LIMS2: variants seen among roughly 807,000 people sequenced by gnomAD.
LIMS2 encodes the protein LIM and senescent cell antigen-like-containing domain protein 2.
LIMS2 carries 30 observed loss-of-function variants against 45.3 expected under a neutral mutation model. That is an observed-to-expected ratio of 0.66 (90% CI 0.50 to 0.90). The LOEUF is 0.90. Among genes scored for constraint, LIMS2 ranks in the 40% least tolerant of loss-of-function variants. The probability of loss-of-function intolerance (pLI) is 0.00; values close to 1 mark genes in which losing one functional copy is unlikely to be tolerated. For synonymous variants in LIMS2, 173 were observed against 188.0 expected (o/e 0.92, Z 0.65); for missense variants, 485 against 468.7 (o/e 1.03, Z -0.32).
chr2:127,648,146 T>A, intron 4 of LIMS2: 2 of 985,032 alleles, frequency 2.0e-6, no homozygotes, highest in Non-Finnish European at 2.4e-6. Context: ...GGAACCTGGA[T>A]TCCTGGGGAA....
At chr2:127,674,542 T>C in intron 1 of LIMS2, 3 of 829,246 alleles carry the variant, frequency 3.6e-6, no homozygotes, top group Non-Finnish European at 4.4e-6. Flanking sequence ...AGTTCCAACA[T>C]ACCCTTCAAC....
At position 127,642,210 on chromosome 2, in the gene LIMS2, G is replaced by C; in HGVS notation, c.510-11C>G. 6.5e-7 allele frequency: 1 copy of C among 1,534,426 alleles called. No individual in the cohort carries two copies. Among genetic ancestry groups the C allele is most frequent in the Non-Finnish European group, 8.8e-7 (1 of 1,135,012 alleles). ...GCTGTCAGCTCCTTCCTGGAAGACA[G>C]CGTGCAGCCCCCAGGTGCCACCCCT... On this transcript the variant is annotated splice_polypyrimidine_tract_variant and intron_variant, in intron 5 of 9. Transcript: ENST00000355119. This position sits in a 1 kb window ranked among gnomAD's most constrained non-coding sequence, Gnocchi z 5.3.
chr2:127,662,171 C>T (rs888923806), intron 1 of LIMS2, among the ~76,000 whole-genome samples: 1 of 152,196 alleles, frequency 6.6e-6, no homozygotes, highest in Non-Finnish European at 1.5e-5. Flanking sequence ...GTGTGACCTG[C>T]AGCACAGGAC....
intron 2 of LIMS2, chr2:127,655,805 A>T (rs1684215192): frequency 6.6e-6 from 1 of 152,396 alleles, no homozygotes; most frequent in Non-Finnish European, 1.5e-5. Context: ...CAGGCCCCAC[A>T]TCCATCCACC....
chr2:127,645,618 A>G (rs1453978191), intron 4 of LIMS2, among the ~76,000 whole-genome samples: 2 of 152,222 alleles, frequency 1.3e-5, no homozygotes, highest in Non-Finnish European at 2.9e-5. Context: ...TCCTCGCTCC[A>G]GATAAAGGCC....
At chr2:127,678,066 AC>A (rs1359107966), upstream of LIMS2, among the ~76,000 whole-genome samples, 2 of 152,244 alleles carry the variant, frequency 1.3e-5, no homozygotes, top group Non-Finnish European at 2.9e-5. The surrounding 1 kb of genome is among the most constrained non-coding windows in gnomAD (Gnocchi z 5.3). Flanking sequence ...CGTAAACGAT[AC>A]TGAACTCCAG....
rs1280546772 is a variant in LIMS2 at position 127,664,743 on chromosome 2, C to G, written c.12-7181G>C. On this transcript the variant is annotated intron_variant, in intron 1 of 9. Coordinates refer to ENST00000355119, the MANE Select transcript of LIMS2 (RefSeq NM_001161403.3). The surrounding 1 kb of genome is among the most constrained non-coding windows in gnomAD (Gnocchi z 5.5). ...CACCCAGGAGGTCTCCGGCTGCCAC[C>G]TGCCAGGAGGAAAGCCTGTGCCCGT... The G allele has an allele frequency of 2.8e-6, 1 of 355,836 alleles. No homozygotes were observed. Among genetic ancestry groups the G allele is most frequent in the Non-Finnish European group, 3.9e-6 (1 of 254,602 alleles). 22.0% of individuals were successfully genotyped at this position (355,836 alleles called of 1,614,324 possible). A position where few individuals can be genotyped will look rare whatever the true frequency, so the allele number is the denominator to read the frequency against.
intron 4 of LIMS2, among the ~76,000 whole-genome samples, chr2:127,644,901 A>G (rs1682801762): frequency 6.6e-6 from 1 of 152,244 alleles, no homozygotes; most frequent in African/African-American, 2.4e-5. Flanking sequence ...GCTGGCTCTC[A>G]GGCCAGACAA....
At position 127,672,929 on chromosome 2, in the gene LIMS2, C is replaced by G. The variant is rs1045965352; in HGVS notation, c.11+2085G>C. Among the ~76,000 whole-genome samples the G allele has an allele frequency of 1.3e-5, 2 of 152,170 alleles. No homozygotes were observed. The highest frequency in any genetic ancestry group is 4.1e-4 in the South Asian group (2 of 4,830). On this transcript the variant is annotated intron_variant, in intron 1 of 9. Coordinates refer to ENST00000355119, the MANE Select transcript of LIMS2 (RefSeq NM_001161403.3). This position sits in a 1 kb window ranked among gnomAD's most constrained non-coding sequence, Gnocchi z 4.9. ...TCCCGAGAGAACCAGGATCCAGGCA[C>G]GAGGAGCTGCCCGGGATCACATGGG...
chr2:127,651,816 G>A (rs1025124665), intron 4 of LIMS2: 3 of 1,495,586 alleles, frequency 2.0e-6, no homozygotes, highest in East Asian at 4.6e-5. Flanking sequence ...CCAGCAAGAG[G>A]CATCTGCCCT....
chr2:127,664,005 T>C lies in LIMS2; in HGVS notation c.12-6443A>G, dbSNP rs1684845334. 6.6e-6 allele frequency among the ~76,000 whole-genome samples: 1 copy of C among 152,184 alleles called. No individual in the cohort carries two copies. Among genetic ancestry groups the C allele is most frequent in the Non-Finnish European group, 1.5e-5 (1 of 68,024 alleles). On this transcript the variant is annotated intron_variant, in intron 1 of 9. Coordinates refer to ENST00000355119, the MANE Select transcript of LIMS2 (RefSeq NM_001161403.3). This position sits in a 1 kb window ranked among gnomAD's most constrained non-coding sequence, Gnocchi z 5.5. ...GCTCTGCTCAGAACCTGTCTGCTCATCTATAAAGTGCAGCATGATCACCCC... is the reference window on the plus strand; with the variant it reads ...GCTCTGCTCAGAACCTGTCTGCTCACCTATAAAGTGCAGCATGATCACCCC...
In LIMS2 at chr2:127,642,871, G is replaced by C; in HGVS notation, c.509+52C>G. 1.3e-6 allele frequency: 2 copies of C among 1,534,766 alleles called. No individual in the cohort carries two copies. Among genetic ancestry groups the C allele is most frequent in the Non-Finnish European group, 1.8e-6 (2 of 1,137,020 alleles). On this transcript the variant is annotated intron_variant, in intron 5 of 9. Coordinates refer to ENST00000355119, the MANE Select transcript of LIMS2 (RefSeq NM_001161403.3). The surrounding 1 kb of genome is among the most constrained non-coding windows in gnomAD (Gnocchi z 5.3). ...GGAGGCCCCACCGCCCTTACCCTGGGCCAGCCCTGGCTCCCCGCCCCCACA... is the reference window on the plus strand; with the variant it reads ...GGAGGCCCCACCGCCCTTACCCTGGCCCAGCCCTGGCTCCCCGCCCCCACA...
At chr2:127,643,562 G>A (rs758897079) in intron 4 of LIMS2, 3 of 456,680 alleles carry the variant, frequency 6.6e-6, no homozygotes, top group South Asian at 4.6e-5. Flanking sequence ...TGTCTCCAAA[G>A]ACAAGCACTG....
intron 1 of LIMS2, among the ~76,000 whole-genome samples, chr2:127,673,380 G>A (rs749270067): frequency 1.8e-4 from 27 of 152,324 alleles, no homozygotes; most frequent in South Asian, 4.1e-4. Context: ...CACAGTGCCT[G>A]CCAAAGGCTG....
upstream of LIMS2, among the ~76,000 whole-genome samples, chr2:127,676,261 C>T (rs1685496201): frequency 2.6e-5 from 4 of 152,078 alleles, no homozygotes; most frequent in African/African-American, 9.7e-5. Flanking sequence ...CTAGAAATGA[C>T]GGTGTGAATT....
chr2:127,676,098 C>A (rs188089705), upstream of LIMS2, among the ~76,000 whole-genome samples: 2 of 152,124 alleles, frequency 1.3e-5, no homozygotes, highest in Admixed American at 6.5e-5. Flanking sequence ...AACAAAAAAC[C>A]CCCGCCCTGC....
At chr2:127,673,296 T>TGTTATCTTTTATGTTTCC (rs1384819459) in intron 1 of LIMS2, among the ~76,000 whole-genome samples, 6 of 152,232 alleles carry the variant, frequency 3.9e-5, no homozygotes, top group Non-Finnish European at 7.3e-5. Context: ...TTTATGTTTC[T>TGTTATCTTTTATGTTTCC]GTTATCTTTT....
chr2:127,661,749 C>T (rs879648961), intron 1 of LIMS2, among the ~76,000 whole-genome samples: 6 of 152,146 alleles, frequency 3.9e-5, no homozygotes, highest in African/African-American at 1.2e-4. Context: ...GCAAGATGTC[C>T]CTGAGTCTGA....
At chr2:127,677,262 G>T (rs6430943), upstream of LIMS2, among the ~76,000 whole-genome samples, 77 of 152,206 alleles carry the variant, frequency 5.1e-4, no homozygotes, top group South Asian at 4.1e-4. This position sits in a 1 kb window ranked among gnomAD's most constrained non-coding sequence, Gnocchi z 5.0. Flanking sequence ...GGAAGTACTA[G>T]GGGGAGAAAG....
Sources: allele counts gnomAD v4.1 joint callset (sites outside exome capture counted in the v4.1 genomes callset), GRCh38; gene constraint gnomAD v4.1.1; non-coding constraint Gnocchi (gnomAD v3.1); transcripts MANE v1.5; gene names NCBI Gene and HGNC (gene_info 2026-07-23, HGNC 2026-07-21).